The following ARHGAP24 variants were observed in gnomAD, a reference collection of about 807,000 sequenced individuals.
ARHGAP24 encodes the protein Rho GTPase activating protein 24, also known as rho GTPase-activating protein 24.
ARHGAP24 carries 50 observed loss-of-function variants against 76.4 expected under a neutral mutation model. That is an observed-to-expected ratio of 0.65 (90% confidence interval 0.52 to 0.83). ARHGAP24 has a LOEUF of 0.83. ARHGAP24 is among the 40% of genes least tolerant of loss of function. The pLI is 0.00. For missense variants in ARHGAP24, 930 were observed against 914.2 expected (o/e 1.02, Z -0.22); for synonymous variants, 345 against 323.3 (o/e 1.07, Z -0.72).
chr4:85,659,453 A>T (rs1025621562), intron 2 of ARHGAP24, among the ~76,000 whole-genome samples: 2 of 152,214 alleles, frequency 1.3e-5, no homozygotes, highest in Non-Finnish European at 2.9e-5. Flanking sequence ...AATTTCTATA[A>T]AATGGAAATT....
intron 4 of ARHGAP24, among the ~76,000 whole-genome samples, chr4:85,936,769 A>G (rs2148821293): frequency 6.6e-6 from 1 of 152,284 alleles, no homozygotes; most frequent in East Asian, 1.9e-4. Flanking sequence ...AAGATGTATG[A>G]GTTGACTCTT....
rs193004275 is a variant in ARHGAP24, at chr4:85,574,058, A to C, written c.180+3337A>C. ...TTCTTTCTTTTAAACATTCCTAACC[A>C]GCTGGAAATATTCAATAATCTTAAC... On this transcript the variant is annotated intron_variant, in intron 2 of 9. Coordinates refer to ENST00000395184, the MANE Select transcript of ARHGAP24 (RefSeq NM_001025616.3). 3.4e-3 allele frequency among the ~76,000 whole-genome samples: 519 copies of C among 152,344 alleles called. 8 individuals carry two copies. The highest frequency in any genetic ancestry group is 2.8e-3 in the Non-Finnish European group (190 of 68,032).
intron 2 of ARHGAP24, among the ~76,000 whole-genome samples, chr4:85,699,291 T>C (rs1723981120): frequency 6.6e-6 from 1 of 152,156 alleles, no homozygotes; most frequent in South Asian, 2.1e-4. Context: ...CTGATGAGTG[T>C]CCATTAAAAA....
At chr4:85,688,415 G>T (rs1475511756) in intron 2 of ARHGAP24, among the ~76,000 whole-genome samples, 1 of 151,778 alleles carries the variant, frequency 6.6e-6, no homozygotes, top group Non-Finnish European at 1.5e-5. Context: ...TTTTTTAAAT[G>T]GGATTATTTG....
intron 2 of ARHGAP24, among the ~76,000 whole-genome samples, chr4:85,612,792 CTTT>C (rs70948739): frequency 8.8e-4 from 73 of 82,778 alleles, no homozygotes; most frequent in African/African-American, 3.1e-3. Context: ...CTTTCCATTC[CTTT>C]TTTTTTTTTT....
chr4:85,511,153 T>C (rs567492993), intron 1 of ARHGAP24, among the ~76,000 whole-genome samples: 36 of 152,318 alleles, frequency 2.4e-4, no homozygotes, highest in African/African-American at 8.4e-4. Flanking sequence ...CATTTTAAAA[T>C]AATTACAAAA....
chr4:85,762,317 A>T (rs1285531637), intron 3 of ARHGAP24, among the ~76,000 whole-genome samples: 1 of 152,166 alleles, frequency 6.6e-6, no homozygotes, highest in Non-Finnish European at 1.5e-5. Flanking sequence ...CTCTGTAAGC[A>T]TTTGGCTCAT....
intron 2 of ARHGAP24, among the ~76,000 whole-genome samples, chr4:85,628,462 A>G (rs887803869): frequency 2.0e-5 from 3 of 152,256 alleles, no homozygotes; most frequent in South Asian, 4.2e-4. Flanking sequence ...TGTTGGATGG[A>G]AGGAATACGG....
At chr4:85,981,105 TA>T (rs1444475136) in intron 8 of ARHGAP24, among the ~76,000 whole-genome samples, 2 of 152,222 alleles carry the variant, frequency 1.3e-5, no homozygotes, top group Non-Finnish European at 2.9e-5. Flanking sequence ...ATGCTCCCTC[TA>T]AAAGTAACAC....
chr4:85,889,218 G>A (rs1733743146), intron 3 of ARHGAP24, among the ~76,000 whole-genome samples: 1 of 152,100 alleles, frequency 6.6e-6, no homozygotes, highest in South Asian at 2.1e-4. Flanking sequence ...ATTCTATATG[G>A]ACATGGGGTA....
intron 6 of ARHGAP24, among the ~76,000 whole-genome samples, chr4:85,973,146 A>C (rs151296262): frequency 2.4e-4 from 37 of 152,290 alleles, no homozygotes; most frequent in African/African-American, 7.5e-4. Context: ...TTAAATTCCC[A>C]CCAGCAATGA....
intron 2 of ARHGAP24, among the ~76,000 whole-genome samples, chr4:85,702,979 A>AC (rs904258384): frequency 1.3e-5 from 2 of 149,808 alleles, no homozygotes; most frequent in African/African-American, 4.9e-5. Context: ...CAGAAGTGAG[A>AC]CCCCCACCGA....
intron 5 of ARHGAP24, among the ~76,000 whole-genome samples, chr4:85,959,903 A>T (rs796375001): frequency 5.3e-5 from 8 of 152,290 alleles, no homozygotes; most frequent in African/African-American, 1.9e-4. Flanking sequence ...TTTCCAAGTG[A>T]CTAGTGATGT....
intron 1 of ARHGAP24, among the ~76,000 whole-genome samples, chr4:85,491,871 G>T (rs967905881): frequency 1.3e-5 from 2 of 152,152 alleles, no homozygotes; most frequent in African/African-American, 4.8e-5. Flanking sequence ...TACTGAGCAG[G>T]TGACAGCTGT....
intron 2 of ARHGAP24, among the ~76,000 whole-genome samples, chr4:85,713,456 C>A (rs951136841): frequency 6.6e-6 from 1 of 151,672 alleles, no homozygotes; most frequent in Non-Finnish European, 1.5e-5. Context: ...CCAAAAATAA[C>A]CTATATTAAC....
At chr4:85,577,848 A>G (rs1321415491) in intron 2 of ARHGAP24, among the ~76,000 whole-genome samples, 2 of 152,288 alleles carry the variant, frequency 1.3e-5, no homozygotes, top group East Asian at 1.9e-4. Flanking sequence ...TATGGCAAAG[A>G]AAAGGTGTAG....
chr4:85,746,910 C>T (rs1388793066), intron 3 of ARHGAP24, among the ~76,000 whole-genome samples: 1 of 152,102 alleles, frequency 6.6e-6, no homozygotes, highest in Admixed American at 6.6e-5. Flanking sequence ...GCCTCAGCCT[C>T]CCAAAGTGCT....
chr4:85,722,302 G>A, intron 3 of ARHGAP24: 1 of 272,626 alleles, frequency 3.7e-6, no homozygotes, highest in South Asian at 4.2e-5. Context: ...TTGACAAGGG[G>A]TTATAGGTTG....
intron 3 of ARHGAP24, among the ~76,000 whole-genome samples, chr4:85,822,932 A>G (rs903650546): frequency 6.6e-6 from 1 of 152,190 alleles, no homozygotes; most frequent in African/African-American, 2.4e-5. Context: ...ATGTGTACCC[A>G]TGAATATTTT....
Sources: gnomAD v4.1 joint callset for allele counts (sites outside exome capture counted in the v4.1 genomes callset) on GRCh38, gnomAD v4.1.1 for gene constraint, MANE v1.5 for transcripts, NCBI Gene and HGNC (gene_info 2026-07-23, HGNC 2026-07-21) for gene names.